MRPL46: variants seen among roughly 807,000 people sequenced by gnomAD.
MRPL46 encodes mitochondrial ribosomal protein L46.
A neutral mutation model predicts 31.0 loss-of-function variants in MRPL46; 26 were observed. The ratio of observed to expected loss-of-function variants is 0.84; its 90% CI spans 0.61 to 1.16. MRPL46 has a LOEUF of 1.16. Among genes scored for constraint, MRPL46 ranks in the 50% most tolerant of loss-of-function variants. The pLI is 0.00. For synonymous variants in MRPL46, 159 were observed against 141.3 expected, an observed-to-expected ratio of 1.13 and a Z score of -0.89; for missense variants, 395 against 340.0, an observed-to-expected ratio of 1.16 and a Z score of -1.27.
rs2142194516 is a variant in MRPL46 at position 88,459,561 on chromosome 15, G to A, written c.*52C>T. On this transcript the variant is annotated 3_prime_UTR_variant, in exon 4 of 4. Transcript: ENST00000312475. ...TGTGAGGCAATCACACAATGTCCTT[G>A]AGGCTCTAATCCCAGACTTGTCTGA... is the stretch of plus-strand genomic sequence containing the variant. The A allele has an allele frequency of 5.6e-6, 9 of 1,607,956 alleles. No homozygotes were observed. Among genetic ancestry groups the A allele is most frequent in the East Asian group, 2.2e-5 (1 of 44,826 alleles).
chr15:88,461,392 A>G (rs962186450), intron 3 of MRPL46: 27 of 152,210 alleles, frequency 1.8e-4, no homozygotes, highest in African/African-American at 6.5e-4. Context: ...TCTCTAAAGG[A>G]AAAAAAATCA....
rs150657556 is a variant in MRPL46, at chr15:88,467,221, G to C, written c.157C>G (p.Leu53Val). 7.7e-5 allele frequency: 124 copies of C among 1,614,140 alleles called. No individual in the cohort carries two copies. The highest frequency in any genetic ancestry group is 1.3e-4 in the Admixed American group (8 of 60,034). Residue 53 changes from leucine (L) to valine (V), a missense_variant, in exon 1 of 4, where the codon CTG (leucine) becomes GTG (valine). Leu to Val is a conservative substitution (Grantham distance 32). Transcript: ENST00000312475. The stretch of plus-strand genomic sequence containing the variant: ...TTGGAGACTACAGGTGGCCGCTGCA[G>C]GCACAACGCGCCCAACAAGCGCCAT... ...SPWRLLGALC[L>V]QRPPVVSKPL...
rs1467376211 is a variant in MRPL46 at position 88,459,861 on chromosome 15, T to C, written c.592A>G (p.Asn198Asp). ...CCTAGGAACTTGGCTTCCATGTTGT[T>C]TTCTGAAGAGGGAGGAAAGAAAAAT... ...AERTLATLSE[N>D]NMEAKFLGNA... Residue 198 changes from asparagine (N) to aspartate (D), a missense_variant and splice_region_variant, in exon 4 of 4, where the codon AAC becomes GAC. Asn to Asp is a conservative substitution (Grantham distance 23, BLOSUM62 1). Transcript: ENST00000312475. The C allele has an allele frequency of 7.4e-6, 12 of 1,613,972 alleles. No homozygotes were observed. The Middle Eastern group carries it at 5.0e-4, about 67-fold the overall frequency.
Position 88,464,896 on chromosome 15 carries a change from A to G in MRPL46, c.416-20T>C, listed in dbSNP as rs1276495403. On this transcript the variant is annotated intron_variant, in intron 2 of 3. Coordinates refer to ENST00000312475, the MANE Select transcript of MRPL46 (RefSeq NM_022163.4). Reference sequence around the variant, plus strand: ...CAGCTTCTACAGCAAAGGGGGTCAGAGGAGGTAAGAAGACTGTGATCTGCC... The same window carrying G: ...CAGCTTCTACAGCAAAGGGGGTCAGGGGAGGTAAGAAGACTGTGATCTGCC... The G allele has an allele frequency of 6.2e-7, 1 of 1,609,706 alleles. No individual in the cohort carries two copies. Among genetic ancestry groups the G allele is most frequent in the Non-Finnish European group, 8.5e-7 (1 of 1,177,966 alleles).
chr15:88,464,743 G>C lies in MRPL46; in HGVS notation c.549C>G (p.Thr183=), dbSNP rs753692619. 31 of 1,613,816 alleles carry C rather than the reference G, an allele frequency of 1.9e-5. No individual in the cohort carries two copies. The highest frequency in any genetic ancestry group is 2.4e-5 in the Non-Finnish European group (28 of 1,179,982). ...LPQAEWQPGE[T]LRGTAERTLA... is the part of the protein sequence containing the mutation. ...GGGTTCGTTCAGCTGTTCCTCGAAG[G>C]GTCTCCCCAGGCTGCCACTCTGCCT... The change falls in exon 3 of 4, where the codon ACC becomes ACG. Residue 183 remains threonine, a synonymous_variant. Coordinates refer to ENST00000312475, the MANE Select transcript of MRPL46 (RefSeq NM_022163.4).
chr15:88,466,022 A>G (rs1179048923), intron 1 of MRPL46, among the ~76,000 whole-genome samples: 1 of 152,176 alleles, frequency 6.6e-6, no homozygotes, highest in African/African-American at 2.4e-5. Context: ...AGAGTGCTAC[A>G]AAAACAGAGA....
rs922251769 is a variant in MRPL46 at position 88,463,282 on chromosome 15, G to A, written c.589+1421C>T. 1.3e-5 allele frequency: 2 copies of A among 152,188 alleles called. No individual in the cohort carries two copies. Among genetic ancestry groups the A allele is most frequent in the Admixed American group, 1.3e-4 (2 of 15,274 alleles). The allele number at this position is 152,188 out of a possible 1,614,324, so 9.4% of individuals were successfully genotyped here. A position where few individuals can be genotyped will look rare whatever the true frequency, so the allele number is the denominator to read the frequency against. On this transcript the variant is annotated intron_variant, in intron 3 of 3. Transcript: ENST00000312475. This position sits in a 1 kb window ranked among gnomAD's most constrained non-coding sequence, Gnocchi z 5.4. ...TGATGGGAGGGCAGGTAAAGTGGCT[G>A]TGCACCACCAAATCCATTTAGTCAA...
Position 88,464,893 on chromosome 15 carries a change from C to G in MRPL46, c.416-17G>C. ...CATCAGCTTCTACAGCAAAGGGGGT[C>G]AGAGGAGGTAAGAAGACTGTGATCT... On this transcript the variant is annotated splice_polypyrimidine_tract_variant and intron_variant, in intron 2 of 3. Coordinates refer to ENST00000312475, the MANE Select transcript of MRPL46 (RefSeq NM_022163.4). The G allele has an allele frequency of 6.2e-7, 1 of 1,610,462 alleles. No individual in the cohort carries two copies. Among genetic ancestry groups the G allele is most frequent in the Non-Finnish European group, 8.5e-7 (1 of 1,178,382 alleles).
At chr15:88,462,821 A>G (rs1478535909) in intron 3 of MRPL46, 1 of 152,172 alleles carries the variant, frequency 6.6e-6, no homozygotes, top group East Asian at 1.9e-4. Flanking sequence ...TTGCCATTTT[A>G]TATTATTTGT....
At chr15:88,464,033 G>A (rs1310081783) in intron 3 of MRPL46, 1 of 152,130 alleles carries the variant, frequency 6.6e-6, no homozygotes, top group Non-Finnish European at 1.5e-5. Context: ...CTCAACCACT[G>A]TAATTTGCTC....
rs1183817837 is a variant in MRPL46 at position 88,463,130 on chromosome 15, G to A, written c.589+1573C>T. On this transcript the variant is annotated intron_variant, in intron 3 of 3. Coordinates refer to ENST00000312475, the MANE Select transcript of MRPL46 (RefSeq NM_022163.4). The surrounding 1 kb of genome is among the most constrained non-coding windows in gnomAD (Gnocchi z 5.4). ...TGTGATGGCTGAGGAGACTGAGAAA[G>A]CAGCAACCTCCTCTCCTACCATATT... 1 of 152,246 alleles carries A rather than the reference G, an allele frequency of 6.6e-6. No homozygotes were observed. The highest frequency in any genetic ancestry group is 1.5e-5 in the Non-Finnish European group (1 of 68,048). The allele number at this position is 152,246 out of a possible 1,614,324, so 9.4% of individuals were successfully genotyped here.
At position 88,467,356 on chromosome 15, in the gene MRPL46, T is replaced by C. The variant is rs770146357; in HGVS notation, c.22A>G (p.Thr8Ala). 184 of 1,588,736 alleles carry C rather than the reference T, an allele frequency of 1.2e-4. No individual in the cohort carries two copies. The highest frequency in any genetic ancestry group is 1.5e-4 in the Non-Finnish European group (180 of 1,167,314). The change falls in exon 1 of 4, where the codon ACG (threonine) becomes GCG (alanine). Residue 8 changes from threonine (T) to alanine (A), a missense_variant. By Grantham distance (58) the Thr-to-Ala change is moderately conservative. Transcript: ENST00000312475. Reference protein sequence around the residue: MAAPVRRTLLGVAGGWRR... With the variant: MAAPVRRALLGVAGGWRR... ...CAACCCCCCGCCACCCCTAACAGCG[T>C]CCGCCTTACGGGCGCCGCCATCTTT...
At position 88,464,855 on chromosome 15, in the gene MRPL46, C is replaced by T. The variant is rs376377439; in HGVS notation, c.437G>A (p.Arg146Gln). The part of the protein sequence containing the change: ...RITEADEKND[R>Q]TSLNRKLDRN... ...GTCTAGCTTCCTGTTCAGGGATGTT[C>T]GGTCATTCTTTTCATCAGCTTCTAC... The change falls in exon 3 of 4, where the codon CGA becomes CAA. Residue 146 changes from arginine to glutamine, a missense_variant. Transcript: ENST00000312475. The T allele has an allele frequency of 3.5e-5, 57 of 1,613,628 alleles. No individual in the cohort carries two copies. The highest frequency in any genetic ancestry group is 1.8e-4 in the East Asian group (8 of 44,856).
intron 1 of MRPL46, among the ~76,000 whole-genome samples, chr15:88,466,188 T>C (rs1049944608): frequency 1.1e-4 from 17 of 152,294 alleles, no homozygotes; most frequent in African/African-American, 4.1e-4. Flanking sequence ...TCTGGGAGAG[T>C]CCTACTCATC....
rs1598282974 is a variant in MRPL46 at position 88,459,804 on chromosome 15, A to T, written c.649T>A (p.Phe217Ile). ...CTCTCTGTCCGCATTGCCTGGGGGA[A>T]CTTGAATGTGTAGTGCCCACAGGGT... ...NAPCGHYTFK[F>I]PQAMRTESNL... is the part of the protein sequence containing the mutation. Residue 217 changes from phenylalanine (F) to isoleucine (I), a missense_variant, in exon 4 of 4, where the codon TTC (phenylalanine) becomes ATC (isoleucine). Transcript: ENST00000312475. The T allele has an allele frequency of 6.2e-7, 1 of 1,614,210 alleles. No homozygotes were observed. The highest frequency in any genetic ancestry group is 2.2e-5 in the East Asian group (1 of 44,874).
At chr15:88,465,097 T>C (rs2055511542) in intron 2 of MRPL46, 1 of 470,904 alleles carries the variant, frequency 2.1e-6, no homozygotes. Flanking sequence ...TAAGCTTCTT[T>C]GAACAGCAAA....
intron 3 of MRPL46, chr15:88,462,709 T>A (rs1158044075): frequency 2.6e-5 from 4 of 152,202 alleles, no homozygotes; most frequent in Admixed American, 2.6e-4. Context: ...AGAAATTCCA[T>A]CTTGCAGAAA....
intron 3 of MRPL46, chr15:88,464,346 C>A (rs142432582): frequency 7.8e-6 from 2 of 257,058 alleles, no homozygotes; most frequent in African/African-American, 4.7e-5. Context: ...GGAATGAGGT[C>A]AAGGACAATT....
intron 2 of MRPL46, chr15:88,465,347 A>T: frequency 2.2e-6 from 1 of 446,036 alleles, no homozygotes. Context: ...ACTTGGAGTT[A>T]AACACAGATA....
Sources: gnomAD v4.1 joint callset for allele counts (sites outside exome capture counted in the v4.1 genomes callset) on GRCh38, gnomAD v4.1.1 for gene constraint, Gnocchi (gnomAD v3.1) non-coding constraint, MANE v1.5 for transcripts, NCBI Gene and HGNC (gene_info 2026-07-23, HGNC 2026-07-21) for gene names.